AGBL4: variants seen among roughly 807,000 people sequenced by gnomAD.
AGBL4 encodes the protein cytosolic carboxypeptidase 6.
A neutral mutation model predicts 66.4 loss-of-function variants in AGBL4; 58 were observed. The ratio of observed to expected loss-of-function variants is 0.87; its 90% confidence interval spans 0.71 to 1.09. The LOEUF (loss-of-function observed/expected upper bound fraction) is 1.09. Among genes scored for constraint, AGBL4 ranks in the 50% least tolerant of loss-of-function variants. The pLI is 0.00. For missense variants in AGBL4, 579 were observed against 631.0 expected, an observed-to-expected ratio of 0.92 and a Z score of 0.88; for synonymous variants, 234 against 222.9, an observed-to-expected ratio of 1.05 and a Z score of -0.44.
intron 5 of AGBL4, among the ~76,000 whole-genome samples, chr1:49,019,217 C>T (rs374935098): frequency 7.8e-4 from 118 of 152,242 alleles, no homozygotes; most frequent in African/African-American, 2.8e-3. Context: ...GGATAAGAGA[C>T]GGGTTATATG....
rs375903869 is a variant in AGBL4, at chr1:48,976,990, AT to A, written c.594+68593del. ...AGAAAGTATCCCTATGAACCCAGAG[AT>A]TTTTTTTTTCTGCAGTGTTTTCTAC... On this transcript the variant is annotated intron_variant, in intron 5 of 13. Coordinates refer to ENST00000371839, the MANE Select transcript of AGBL4 (RefSeq NM_032785.4). Among the ~76,000 whole-genome samples, 422 of 150,506 alleles carry A rather than the reference AT, an allele frequency of 2.8e-3. 8 individuals carry two copies. The East Asian group carries it at 0.068, about 24-fold the overall frequency.
chr1:49,543,798 T>C (rs1652256424), intron 3 of AGBL4, among the ~76,000 whole-genome samples: 1 of 152,204 alleles, frequency 6.6e-6, no homozygotes, highest in African/African-American at 2.4e-5. Context: ...CCAGAGTCCC[T>C]GGGCTTTGGG....
chr1:49,720,045 C>A (rs890148165), intron 2 of AGBL4, among the ~76,000 whole-genome samples: 20 of 152,084 alleles, frequency 1.3e-4, no homozygotes, highest in Admixed American at 1.3e-4. Context: ...TGGACTAATA[C>A]AGACATGTTA....
At chr1:48,761,608 C>G in intron 6 of AGBL4, 1 of 872,418 alleles carries the variant, frequency 1.1e-6, no homozygotes, top group Non-Finnish European at 1.7e-6. Context: ...AGACTCAAGG[C>G]TGGTTCCCTC....
chr1:49,063,650 A>T (rs904171899), intron 4 of AGBL4, among the ~76,000 whole-genome samples: 8 of 152,176 alleles, frequency 5.3e-5, no homozygotes, highest in Non-Finnish European at 8.8e-5. Flanking sequence ...AGGTGGTGAC[A>T]AGTGATATGA....
intron 3 of AGBL4, among the ~76,000 whole-genome samples, chr1:49,324,091 G>T (rs1458527100): frequency 2.0e-5 from 3 of 152,202 alleles, no homozygotes; most frequent in African/African-American, 7.2e-5. Context: ...TCATAATTCA[G>T]TGCTTCTTAT....
intron 1 of AGBL4, among the ~76,000 whole-genome samples, chr1:49,874,993 A>G (rs1282261187): frequency 2.0e-5 from 2 of 101,596 alleles, no homozygotes; most frequent in Non-Finnish European, 3.8e-5. Context: ...ACCCCACAAC[A>G]GTCCCCAGAG....
At chr1:49,974,555 A>G (rs1658405525) in intron 1 of AGBL4, among the ~76,000 whole-genome samples, 1 of 152,190 alleles carries the variant, frequency 6.6e-6, no homozygotes, top group African/African-American at 2.4e-5. Context: ...TTTAAAAATC[A>G]AAGTATTAAT....
chr1:49,682,467 TG>T (rs1646713913), intron 3 of AGBL4, among the ~76,000 whole-genome samples: 3 of 152,200 alleles, frequency 2.0e-5, no homozygotes. Context: ...TTAATGATTG[TG>T]TAAGAAAGTT....
intron 3 of AGBL4, among the ~76,000 whole-genome samples, chr1:49,646,625 C>G (rs1645894228): frequency 2.0e-5 from 3 of 151,908 alleles, no homozygotes; most frequent in South Asian, 2.1e-4. Context: ...TCTGTAGATT[C>G]AGTGCAATCC....
chr1:48,608,501 C>T (rs1274278180), intron 9 of AGBL4, among the ~76,000 whole-genome samples: 1 of 152,058 alleles, frequency 6.6e-6, no homozygotes, highest in East Asian at 1.9e-4. Flanking sequence ...ATGTCAGTAA[C>T]TGCCTGTGAA....
chr1:49,598,350 C>G (rs148556653), intron 3 of AGBL4, among the ~76,000 whole-genome samples: 7,423 of 152,174 alleles, frequency 0.049, 569 homozygotes, highest in African/African-American at 0.16. Context: ...GTGGTTTTAT[C>G]TACTTTTGGT....
rs376287484 is a variant in AGBL4, at chr1:49,976,100, T to G, written c.34+47663A>C. ...GCTAATTTCACCAGTTCCTTCTATG[T>G]GACACATTAGAGGAGACAAACAGGC... On this transcript the variant is annotated intron_variant, in intron 1 of 13. Transcript: ENST00000371839. 1.0e-3 allele frequency among the ~76,000 whole-genome samples: 152 copies of G among 152,288 alleles called. 4 individuals carry two copies. Among genetic ancestry groups the G allele is most frequent in the Non-Finnish European group, 2.6e-4 (18 of 68,016 alleles).
intron 3 of AGBL4, among the ~76,000 whole-genome samples, chr1:49,309,947 G>C (rs1644915646): frequency 6.6e-6 from 1 of 152,122 alleles, no homozygotes; most frequent in African/African-American, 2.4e-5. Context: ...GGTGAGTAAA[G>C]TGCATGTAGG....
intron 1 of AGBL4, among the ~76,000 whole-genome samples, chr1:49,894,445 C>T (rs186302947): frequency 3.9e-4 from 59 of 152,144 alleles, no homozygotes; most frequent in Non-Finnish European, 7.1e-4. Context: ...TTAATAATAG[C>T]TGTTGAGGAT....
intron 2 of AGBL4, among the ~76,000 whole-genome samples, chr1:49,784,128 G>T (rs1571558635): frequency 6.6e-6 from 1 of 152,038 alleles, no homozygotes; most frequent in East Asian, 1.9e-4. Context: ...TGGCAATTTT[G>T]TTCAAAACTT....
Position 49,849,716 on chromosome 1 carries a change from T to C in AGBL4, c.157+1680A>G, listed in dbSNP as rs574945101. On this transcript the variant is annotated intron_variant, in intron 2 of 13. Coordinates refer to ENST00000371839, the MANE Select transcript of AGBL4 (RefSeq NM_032785.4). The stretch of plus-strand genomic sequence containing the variant: ...GTTGGGAAAATATGCATTATTTATT[T>C]GGTGATTACATGGTAAGATTGAACA... 2.0e-5 allele frequency among the ~76,000 whole-genome samples: 3 copies of C among 152,140 alleles called. No individual in the cohort carries two copies. In the South Asian group the frequency reaches 6.2e-4, roughly 32 times the overall value.
chr1:48,605,781 A>T (rs1645145863), intron 9 of AGBL4, among the ~76,000 whole-genome samples: 1 of 152,226 alleles, frequency 6.6e-6, no homozygotes, highest in Non-Finnish European at 1.5e-5. Context: ...TCCATCCTTT[A>T]TCTTCTCTGA....
At chr1:49,865,653 T>G (rs1207180625) in intron 1 of AGBL4, among the ~76,000 whole-genome samples, 1 of 152,024 alleles carries the variant, frequency 6.6e-6, no homozygotes, top group Non-Finnish European at 1.5e-5. Flanking sequence ...TGAGAAAGAA[T>G]CAATGAAAAA....
Sources: allele counts gnomAD v4.1 joint callset (sites outside exome capture counted in the v4.1 genomes callset), GRCh38; gene constraint gnomAD v4.1.1; transcripts MANE v1.5; gene names NCBI Gene and HGNC (gene_info 2026-07-23, HGNC 2026-07-21).